Variants in FXR1 observed in about 807,000 individuals in gnomAD.
FXR1 encodes the protein FMR1 autosomal homolog 1, also known as RNA-binding protein FXR1.
A neutral mutation model predicts 84.0 loss-of-function variants in FXR1; 15 were observed. The ratio of observed to expected loss-of-function variants is 0.18; its 90% confidence interval spans 0.12 to 0.27. The LOEUF is 0.27. FXR1 is among the 10% of genes least tolerant of loss of function. The probability of loss-of-function intolerance (pLI) is 1.00; values close to 1 mark genes in which losing one functional copy is unlikely to be tolerated. For missense variants in FXR1, 480 were observed against 774.4 expected, an observed-to-expected ratio of 0.62 and a Z score of 4.51; for synonymous variants, 245 against 250.7, an observed-to-expected ratio of 0.98 and a Z score of 0.21.
rs565653748 is a variant in FXR1 at position 180,951,231 on chromosome 3, C to A, written c.631-67C>A. The A allele has an allele frequency of 1.9e-4, 189 of 1,002,064 alleles. No homozygotes were observed. In the African/African-American group the frequency reaches 2.6e-3, roughly 14 times the overall value. 62.1% of individuals were successfully genotyped at this position (1,002,064 alleles called of 1,614,324 possible). ...GAGTGAGACCCTGTCTGGAAAAAAA[C>A]CAAACCATACAAAAAAGCCATTTTG... On this transcript the variant is annotated intron_variant, in intron 7 of 16. Transcript: ENST00000357559.
intron 15 of FXR1, among the ~76,000 whole-genome samples, 159 bp from the exon 16 acceptor site, chr3:180,975,154 T>G (rs767550575): frequency 5.9e-5 from 9 of 152,216 alleles, no homozygotes; most frequent in Non-Finnish European, 1.2e-4. Flanking sequence ...CCAGGTAGAT[T>G]TTTAAAGCTT....
chr3:180,955,861 G>A (rs538974580), intron 9 of FXR1, among the ~76,000 whole-genome samples: 5 of 152,302 alleles, frequency 3.3e-5, no homozygotes, highest in Admixed American at 6.5e-5. Flanking sequence ...GTGAGTACCT[G>A]TTGTCTCTTT....
chr3:180,917,626 A>G (rs1016056713), intron 1 of FXR1, among the ~76,000 whole-genome samples: 1 of 152,128 alleles, frequency 6.6e-6, no homozygotes, highest in Non-Finnish European at 1.5e-5. Flanking sequence ...TTTCTACTCT[A>G]TCTTGCTGAT....
At chr3:180,964,475 G>T (rs1712539075) in intron 13 of FXR1, among the ~76,000 whole-genome samples, 1 of 152,030 alleles carries the variant, frequency 6.6e-6, no homozygotes, top group Non-Finnish European at 1.5e-5. Context: ...GAGAGGTAGA[G>T]AAACATCTGG....
intron 1 of FXR1, among the ~76,000 whole-genome samples, chr3:180,916,729 G>A (rs1274953493): frequency 6.6e-6 from 1 of 152,066 alleles, no homozygotes; most frequent in African/African-American, 2.4e-5. Flanking sequence ...TTAAATAGAA[G>A]TTGGAAGTAA....
intron 14 of FXR1, among the ~76,000 whole-genome samples, chr3:180,969,407 A>G (rs541531882): frequency 5.3e-5 from 8 of 152,334 alleles, no homozygotes; most frequent in Admixed American, 6.5e-5. Context: ...AATTTCTTCT[A>G]TAAATTTGAT....
intron 1 of FXR1, among the ~76,000 whole-genome samples, chr3:180,928,327 G>T (rs1312392555): frequency 6.6e-6 from 1 of 151,460 alleles, no homozygotes; most frequent in Non-Finnish European, 1.5e-5. Context: ...AATCTTTAAG[G>T]TTTGGTAAGT....
At position 180,975,109 on chromosome 3, in the gene FXR1, A is replaced by G. The variant is rs539936103; in HGVS notation, c.1604-204A>G. Among the ~76,000 whole-genome samples the G allele has an allele frequency of 3.3e-5, 5 of 152,254 alleles. 1 individual carries two copies. The highest frequency in any genetic ancestry group is 1.2e-4 in the African/African-American group (5 of 41,548). On this transcript the variant is annotated intron_variant, in intron 15 of 16. Transcript: ENST00000357559. ...GAGGAATTTAATCTAGATTTCCTCA[A>G]TCTCAAGCTTGAAATTTTCTTCAGC...
intron 1 of FXR1, among the ~76,000 whole-genome samples, chr3:180,914,390 A>C (rs1307635477): frequency 6.6e-6 from 1 of 152,076 alleles, no homozygotes; most frequent in Non-Finnish European, 1.5e-5. Context: ...AAAAGTTTTA[A>C]ATTCTCACTA....
chr3:180,964,133 T>C lies in FXR1; in HGVS notation c.1198+1043T>C, dbSNP rs141797211. 7.1e-3 allele frequency among the ~76,000 whole-genome samples: 1,086 copies of C among 152,298 alleles called. 17 individuals carry two copies. Among genetic ancestry groups the C allele is most frequent in the African/African-American group, 0.025 (1,028 of 41,556 alleles). On this transcript the variant is annotated intron_variant, in intron 13 of 16. Transcript: ENST00000357559. Reference sequence around the variant, plus strand: ...ATATCTTTATGTTCTCATTTTCTTATATATGTTTTTATTTAATGCAGTATT... The same window carrying C: ...ATATCTTTATGTTCTCATTTTCTTACATATGTTTTTATTTAATGCAGTATT...
Position 180,931,850 on chromosome 3 carries a change from C to G in FXR1, c.52-1484C>G, listed in dbSNP as rs1199493654. 9.3e-5 allele frequency among the ~76,000 whole-genome samples: 14 copies of G among 149,990 alleles called. No individual in the cohort carries two copies. In the Admixed American group the frequency reaches 9.3e-4, roughly 10 times the overall value. ...CTGCCTCCCAGGCTCAAGTGATCCT[C>G]CCGCCTCAGCCTTCCAAGTAGCTGG... On this transcript the variant is annotated intron_variant, in intron 1 of 16. Coordinates refer to ENST00000357559, the MANE Select transcript of FXR1 (RefSeq NM_005087.4).
chr3:180,948,883 CAGAAG>C, intron 6 of FXR1, 69 bp downstream of exon 6: 1 of 796,216 alleles, frequency 1.3e-6, no homozygotes, highest in Non-Finnish European at 2.2e-6. Flanking sequence ...TTACATATTT[CAGAAG>C]AGAAAAGCTA....
Position 180,976,442 on chromosome 3 carries a change from G to A in FXR1, c.*150G>A, listed in dbSNP as rs1714253224. The A allele has an allele frequency of 1.9e-6, 1 of 540,020 alleles. No homozygotes were observed. The highest frequency in any genetic ancestry group is 3.0e-5 in the East Asian group (1 of 32,814). The allele number at this position is 540,020 out of a possible 1,614,324, so 33.5% of individuals were successfully genotyped here. ...ATTCAAAAAGGGGAGGGATCCTGAA[G>A]AAATCATATGTTAAACATACTTTGA... On this transcript the variant is annotated 3_prime_UTR_variant, in exon 17 of 17. Coordinates refer to ENST00000357559, the MANE Select transcript of FXR1 (RefSeq NM_005087.4).
intron 7 of FXR1, 100 bp downstream of exon 7, chr3:180,949,443 G>C: frequency 1.3e-6 from 1 of 743,590 alleles, no homozygotes; most frequent in South Asian, 1.4e-5. Context: ...CTAGAGTGCA[G>C]TGGCACAATC....
intron 1 of FXR1, chr3:180,927,837 C>T (rs542871726): frequency 2.4e-6 from 1 of 411,780 alleles, no homozygotes; most frequent in African/African-American, 2.1e-5. Flanking sequence ...TAGTTCATAT[C>T]CATCGATACC....
chr3:180,931,928 A>T (rs996016707), intron 1 of FXR1, among the ~76,000 whole-genome samples: 1 of 151,262 alleles, frequency 6.6e-6, no homozygotes, highest in African/African-American at 2.4e-5. Context: ...TTTGGTAGAG[A>T]TGGGATTCCA....
At position 180,981,112 on chromosome 3, in the gene FXR1, T is replaced by C. The variant is rs988013399; in HGVS notation, c.*4820T>C. The C allele has an allele frequency of 1.3e-5, 2 of 151,992 alleles. No homozygotes were observed. Among genetic ancestry groups the C allele is most frequent in the African/African-American group, 4.8e-5 (2 of 41,404 alleles). 9.4% of individuals were successfully genotyped at this position (151,992 alleles called of 1,614,324 possible). ...CTGCAAAACCTTTTTTTTAGGTCAC[T>C]GTCAACAGAAAGATGCCTTATAGAA... On this transcript the variant is annotated 3_prime_UTR_variant, in exon 17 of 17. Transcript: ENST00000357559.
chr3:180,933,147 G>T (rs540288482), intron 1 of FXR1, 187 bp from the exon 2 acceptor site: 8 of 540,700 alleles, frequency 1.5e-5, no homozygotes, highest in South Asian at 2.4e-5. Context: ...ATGAGGTTCA[G>T]AGAGGTTAAG....
rs1344330906 is a variant in FXR1, at chr3:180,922,686, C to T, written c.51+9950C>T. 2.0e-5 allele frequency among the ~76,000 whole-genome samples: 3 copies of T among 152,136 alleles called. No homozygotes were observed. The East Asian group carries it at 5.8e-4, about 29-fold the overall frequency. ...GCAGTGCAGTGATAGGATCATGGCT[C>T]ATTGCAGTCTTGACCTTCCAGGTTC... is the stretch of plus-strand genomic sequence containing the variant. On this transcript the variant is annotated intron_variant, in intron 1 of 16. Coordinates refer to ENST00000357559, the MANE Select transcript of FXR1 (RefSeq NM_005087.4).
Sources: gnomAD v4.1 joint callset for allele counts (sites outside exome capture counted in the v4.1 genomes callset) on GRCh38, gnomAD v4.1.1 for gene constraint, MANE v1.5 for transcripts, NCBI Gene and HGNC (gene_info 2026-07-23, HGNC 2026-07-21) for gene names.